PCNX2: variants seen among roughly 807,000 people sequenced by gnomAD.
The protein encoded by PCNX2 is pecanex-like protein 2.
A neutral mutation model predicts 223.8 loss-of-function variants in PCNX2; 168 were observed. The ratio of observed to expected loss-of-function variants is 0.75; its 90% CI spans 0.66 to 0.85. The LOEUF is 0.85. PCNX2 is among the 40% of genes least tolerant of loss of function. The pLI is 0.00. For missense variants in PCNX2, 2,507 were observed against 2,675.5 expected (o/e 0.94, Z 1.39); for synonymous variants, 1,006 against 1,052.6 (o/e 0.96, Z 0.86).
chr1:233,013,374 C>A (rs1019107519), intron 28 of PCNX2, among the ~76,000 whole-genome samples: 14 of 152,154 alleles, frequency 9.2e-5, no homozygotes, highest in African/African-American at 3.4e-4. Context: ...ACACTTTACC[C>A]TTTATCAATT....
At chr1:233,064,283 T>C (rs778640309) in intron 23 of PCNX2, among the ~76,000 whole-genome samples, 9 of 152,226 alleles carry the variant, frequency 5.9e-5, no homozygotes, top group Non-Finnish European at 8.8e-5. Flanking sequence ...ACCAGTACCA[T>C]TTTTGTGTTA....
At chr1:233,119,458 G>A (rs1423405055) in intron 21 of PCNX2, among the ~76,000 whole-genome samples, 3 of 141,936 alleles carry the variant, frequency 2.1e-5, no homozygotes, top group Non-Finnish European at 4.5e-5. Flanking sequence ...GGTGGTGGGC[G>A]CCTGTAGTCC....
rs1013072022 is a variant in PCNX2 at position 233,063,602 on chromosome 1, G to T, written c.4077-6312C>A. Among the ~76,000 whole-genome samples, 4 of 152,216 alleles carry T rather than the reference G, an allele frequency of 2.6e-5. No homozygotes were observed. The East Asian group carries it at 7.7e-4, about 29-fold the overall frequency. On this transcript the variant is annotated intron_variant, in intron 23 of 33. Coordinates refer to ENST00000258229, the MANE Select transcript of PCNX2 (RefSeq NM_014801.4). ...TAGTGCTGTGAAACCTCACTATTTT[G>T]TGTAGAAATGTGAATTTATTTTAGT...
At chr1:233,226,266 T>C (rs1461010185) in intron 10 of PCNX2, among the ~76,000 whole-genome samples, 1 of 152,106 alleles carries the variant, frequency 6.6e-6, no homozygotes, top group Admixed American at 6.5e-5. Flanking sequence ...CCATCATGTT[T>C]TCTTTTTTCT....
intron 23 of PCNX2, among the ~76,000 whole-genome samples, chr1:233,079,173 C>T (rs1221944279): frequency 6.6e-6 from 1 of 152,124 alleles, no homozygotes; most frequent in Non-Finnish European, 1.5e-5. Context: ...GCATTCTAGG[C>T]TACTTAGTGA....
At chr1:233,145,099 G>A (rs1677363643) in intron 19 of PCNX2, among the ~76,000 whole-genome samples, 1 of 150,472 alleles carries the variant, frequency 6.6e-6, no homozygotes, top group Non-Finnish European at 1.5e-5. Context: ...CAAGTGGCTG[G>A]GACTACAGGC....
intron 26 of PCNX2, among the ~76,000 whole-genome samples, chr1:233,021,042 C>T (rs965394460): frequency 2.6e-4 from 40 of 151,248 alleles, no homozygotes; most frequent in African/African-American, 9.7e-4. Flanking sequence ...AGAAAATCAT[C>T]TTTTTTTTTA....
chr1:233,140,094 CAATTGATTTCTT>C (rs1677020011), intron 19 of PCNX2, among the ~76,000 whole-genome samples: 2 of 151,984 alleles, frequency 1.3e-5, no homozygotes, highest in South Asian at 4.1e-4. Context: ...TTGTTCAAGT[CAATTGATTTCTT>C]CATATATAAT....
At chr1:233,047,408 T>C (rs1310997840) in intron 25 of PCNX2, 2 of 985,258 alleles carry the variant, frequency 2.0e-6, no homozygotes, top group Non-Finnish European at 2.4e-6. Context: ...CAAAGATTGG[T>C]TAAGTTTGCA....
chr1:233,185,672 C>A (rs1196057651), intron 15 of PCNX2, among the ~76,000 whole-genome samples: 2 of 151,994 alleles, frequency 1.3e-5, no homozygotes, highest in Non-Finnish European at 2.9e-5. Context: ...AAGAAGGGAT[C>A]AATTTTATAA....
chr1:233,251,396 TC>T (rs1411191968), intron 7 of PCNX2, among the ~76,000 whole-genome samples: 1 of 152,202 alleles, frequency 6.6e-6, no homozygotes, highest in East Asian at 1.9e-4. Flanking sequence ...CTCAATTAGC[TC>T]CACTAAAGCA....
intron 28 of PCNX2, among the ~76,000 whole-genome samples, chr1:233,013,154 G>A (rs1186437405): frequency 6.6e-6 from 1 of 152,192 alleles, no homozygotes; most frequent in African/African-American, 2.4e-5. Flanking sequence ...TCCTCCCCAG[G>A]AGATTGGCCT....
intron 5 of PCNX2, among the ~76,000 whole-genome samples, chr1:233,255,510 C>T (rs956265521): frequency 1.3e-5 from 2 of 152,142 alleles, no homozygotes; most frequent in African/African-American, 4.8e-5. Flanking sequence ...TGTGGGCGGT[C>T]CTCATTTATT....
intron 23 of PCNX2, among the ~76,000 whole-genome samples, chr1:233,071,420 C>T (rs1672850148): frequency 6.6e-6 from 1 of 152,168 alleles, no homozygotes; most frequent in African/African-American, 2.4e-5. Flanking sequence ...ATTTGGTTTT[C>T]TGCTTCTGTG....
Position 233,261,332 on chromosome 1 carries a change from GA to G in PCNX2, c.481-12del. On this transcript the variant is annotated splice_polypyrimidine_tract_variant and intron_variant, in intron 3 of 33. Transcript: ENST00000258229. ...CTGTGCTGACAACTCCTACACAAAT[GA>G]AAGAAACAAAAATCAATAGATGACT... The G allele has an allele frequency of 6.2e-7, 1 of 1,611,846 alleles. No individual in the cohort carries two copies.
At chr1:233,003,700 C>T (rs1022712057) in intron 28 of PCNX2, among the ~76,000 whole-genome samples, 4 of 152,172 alleles carry the variant, frequency 2.6e-5, no homozygotes, top group African/African-American at 9.7e-5. Flanking sequence ...GACACATGCA[C>T]ACGTATGTTT....
intron 17 of PCNX2, among the ~76,000 whole-genome samples, chr1:233,175,396 A>G (rs1048305079): frequency 6.6e-6 from 1 of 152,204 alleles, no homozygotes; most frequent in Non-Finnish European, 1.5e-5. Context: ...AATTATACCA[A>G]TGAAATACTA....
intron 19 of PCNX2, among the ~76,000 whole-genome samples, chr1:233,141,797 G>GTA (rs1571955860): frequency 1.4e-5 from 2 of 145,242 alleles, no homozygotes; most frequent in East Asian, 4.3e-4. Flanking sequence ...GTGTGTGTGT[G>GTA]TGTATATGAA....
At position 233,095,930 on chromosome 1, in the gene PCNX2, A is replaced by G. The variant is rs1674138059; in HGVS notation, c.3838-67T>C. 4.3e-6 allele frequency: 5 copies of G among 1,165,328 alleles called. No homozygotes were observed. The Admixed American group carries it at 1.1e-4, about 25-fold the overall frequency. The allele number at this position is 1,165,328 out of a possible 1,614,324, so 72.2% of individuals were successfully genotyped here. ...CAACAGTGGTAACTGCATCAAGGTC[A>G]CTTAAAGGACATTTGTCAAGGTTAG... On this transcript the variant is annotated intron_variant, in intron 21 of 33. Transcript: ENST00000258229.
Sources: allele counts gnomAD v4.1 joint callset (sites outside exome capture counted in the v4.1 genomes callset), GRCh38; gene constraint gnomAD v4.1.1; transcripts MANE v1.5; gene names NCBI Gene and HGNC (gene_info 2026-07-23, HGNC 2026-07-21).